Variants in FAM161B observed in about 807,000 individuals in gnomAD.
FAM161B encodes the protein FAM161 centrosomal protein B.
In FAM161B, 46 loss-of-function variants were observed where a neutral mutation model predicts 61.5. The observed-to-expected ratio is 0.75, with a 90% confidence interval of 0.59 to 0.96. The LOEUF is 0.96. Ranked by LOEUF, FAM161B falls within the 40% of genes least tolerant of loss-of-function variation. FAM161B has a pLI of 0.00. For synonymous variants in FAM161B, 284 were observed against 302.7 expected (o/e 0.94, Z 0.64); for missense variants, 774 against 800.7 (o/e 0.97, Z 0.40).
chr14:73,929,183 C>T (rs1338484158), downstream of FAM161B, among the ~76,000 whole-genome samples: 2 of 152,090 alleles, frequency 1.3e-5, no homozygotes, highest in Non-Finnish European at 2.9e-5. Flanking sequence ...CATTATTCTC[C>T]TCCTCGTATC....
At chr14:73,949,940 C>G in intron 1 of FAM161B, 33 bp downstream of exon 1, 1 of 1,611,530 alleles carries the variant, frequency 6.2e-7, no homozygotes. Flanking sequence ...TCCGGGATTC[C>G]TTTCCCGGGG....
Position 73,942,395 on chromosome 14 carries a change from C to T in FAM161B, c.1246G>A (p.Asp416Asn). 6.2e-7 allele frequency: 1 copy of T among 1,614,104 alleles called. No homozygotes were observed. ...ANLRHPQRPC[D>N]AATTGRRQDS... ...TGCCTCCTTCCGGTGGTGGCAGCATCACAGGGCCGCTGAGGGTGGCGCAGG... is the reference window on the plus strand; with the variant it reads ...TGCCTCCTTCCGGTGGTGGCAGCATTACAGGGCCGCTGAGGGTGGCGCAGG... Residue 416 changes from aspartate (D) to asparagine (N), a missense_variant, in exon 4 of 9, where the codon GAT becomes AAT. Coordinates refer to ENST00000286544, the MANE Select transcript of FAM161B (RefSeq NM_152445.3).
In FAM161B at chr14:73,938,129, GAA is replaced by G; in HGVS notation, c.1401-19_1401-18del. On this transcript the variant is annotated intron_variant, in intron 5 of 8. Transcript: ENST00000286544. Reference sequence around the variant, plus strand: ...AGTGCACTTCTAAAGGAAGGAGGCAGAAAAAGAGTATAGATTACCAACCTGGG... The same window carrying G: ...AGTGCACTTCTAAAGGAAGGAGGCAGAAAGAGTATAGATTACCAACCTGGG... The G allele has an allele frequency of 6.2e-7, 1 of 1,612,366 alleles. No individual in the cohort carries two copies. The highest frequency in any genetic ancestry group is 1.3e-5 in the African/African-American group (1 of 74,826).
the FAM161B span, chr14:73,923,472 G>C: frequency 6.2e-7 from 1 of 1,614,002 alleles, no homozygotes; most frequent in South Asian, 1.1e-5. Flanking sequence ...CATGCAGTCA[G>C]GGAGGCAATC....
At chr14:73,927,631 C>A (rs753550535), downstream of FAM161B, among the ~76,000 whole-genome samples, 2 of 152,084 alleles carry the variant, frequency 1.3e-5, no homozygotes, top group Non-Finnish European at 2.9e-5. Flanking sequence ...AAATTTAATT[C>A]ATTCAGCGGC....
Position 73,937,059 on chromosome 14 carries a change from T to TCA in FAM161B, c.1665+541_1665+542dup, listed in dbSNP as rs890089870. Among the ~76,000 whole-genome samples, 25 of 147,316 alleles carry TCA rather than the reference T, an allele frequency of 1.7e-4. 1 individual carries two copies. Among genetic ancestry groups the TCA allele is most frequent in the Middle Eastern group, 3.6e-3 (1 of 274 alleles). On this transcript the variant is annotated intron_variant, in intron 7 of 8. Coordinates refer to ENST00000286544, the MANE Select transcript of FAM161B (RefSeq NM_152445.3). ...GCCCTGCTCCATAAGGAACACACAC[T>TCA]CACACACACATACACATGCATACAA...
rs561295251 is a variant in FAM161B, at chr14:73,941,526, CA to C, written c.1273-474del. Among the ~76,000 whole-genome samples the C allele has an allele frequency of 1.3e-3, 204 of 152,258 alleles. 2 individuals carry two copies. The highest frequency in any genetic ancestry group is 2.5e-3 in the Admixed American group (38 of 15,284). ...AAGGATAAAGAGATCTCAAGTTTCACAACCAAGCCAAGACTTGGATATCAAT... is the reference window on the plus strand; with the variant it reads ...AAGGATAAAGAGATCTCAAGTTTCACACCAAGCCAAGACTTGGATATCAAT... On this transcript the variant is annotated intron_variant, in intron 4 of 8. Transcript: ENST00000286544.
At chr14:73,944,231 CAGCAAATCTCCA>C (rs891852781) in intron 3 of FAM161B, 92 bp downstream of exon 3, 3 of 1,503,236 alleles carry the variant, frequency 2.0e-6, no homozygotes, top group African/African-American at 2.8e-5. Context: ...TCCACCCAAG[CAGCAAATCTCCA>C]AGCCAGGCAG....
chr14:73,924,443 A>C, the FAM161B span, among the ~76,000 whole-genome samples: 1 of 152,158 alleles, frequency 6.6e-6, no homozygotes, highest in South Asian at 2.1e-4. Context: ...AAAGGGTTTG[A>C]GGTTGAGCTA....
rs532080677 is a variant in FAM161B, at chr14:73,937,287, TAGAA to T, written c.1665+311_1665+314del. ...CACTGTGAACAGTGGCTCCAGAGCA[TAGAA>T]AGAGCCAAATGGTCCCTGTGTCTCT... On this transcript the variant is annotated intron_variant, in intron 7 of 8. Coordinates refer to ENST00000286544, the MANE Select transcript of FAM161B (RefSeq NM_152445.3). Among the ~76,000 whole-genome samples, 317 of 152,104 alleles carry T rather than the reference TAGAA, an allele frequency of 2.1e-3. 1 individual carries two copies. The highest frequency in any genetic ancestry group is 0.017 in the Middle Eastern group (5 of 294).
At chr14:73,925,227 G>A in the FAM161B span, among the ~76,000 whole-genome samples, 1 of 152,046 alleles carries the variant, frequency 6.6e-6, no homozygotes, top group Admixed American at 6.6e-5. Flanking sequence ...ACTTTTTCTG[G>A]TAACTGCTTT....
the FAM161B span, among the ~76,000 whole-genome samples, chr14:73,923,923 A>AC: frequency 1.2e-3 from 185 of 152,290 alleles, no homozygotes; most frequent in South Asian, 6.4e-3. Flanking sequence ...AAATTTCTGT[A>AC]CCAGACAGGA....
At chr14:73,938,568 CGA>C (rs2055990991) in intron 5 of FAM161B, among the ~76,000 whole-genome samples, 1 of 151,914 alleles carries the variant, frequency 6.6e-6, no homozygotes, top group African/African-American at 2.4e-5. Flanking sequence ...GTCAGGAGAT[CGA>C]GACTATCCTG....
At chr14:73,926,306 C>G in the FAM161B span, among the ~76,000 whole-genome samples, 2 of 151,986 alleles carry the variant, frequency 1.3e-5, no homozygotes, top group African/African-American at 4.8e-5. Context: ...GGTTGGTTTG[C>G]TAGAGTCAGG....
At chr14:73,930,551 A>G (rs1174938528), downstream of FAM161B, among the ~76,000 whole-genome samples, 1 of 152,198 alleles carries the variant, frequency 6.6e-6, no homozygotes, top group East Asian at 1.9e-4. Context: ...TTATTTGATT[A>G]GATTTTAATA....
intron 7 of FAM161B, 113 bp from the exon 8 acceptor site, chr14:73,936,201 G>T: frequency 8.1e-7 from 1 of 1,236,062 alleles, no homozygotes; most frequent in Non-Finnish European, 1.1e-6. Flanking sequence ...CCTTATTGTG[G>T]GGCATAGATT....
rs990048176 is a variant in FAM161B, at chr14:73,944,354, G to A, written c.906C>T (p.Ala302=). Reference sequence around the variant, plus strand: ...CTTTACCCTGGAGTTTATCCCCAAGGGCTGGCTCCAGAATGGACTTGGGAA... The same window carrying A: ...CTTTACCCTGGAGTTTATCCCCAAGAGCTGGCTCCAGAATGGACTTGGGAA... ...RRIPKSILEP[A]LGDKLQEAEL... is the part of the protein sequence containing the mutation. Residue 302 remains alanine (A), a synonymous_variant, in exon 3 of 9, where the codon GCC becomes GCT. Coordinates refer to ENST00000286544, the MANE Select transcript of FAM161B (RefSeq NM_152445.3). 1.9e-6 allele frequency: 3 copies of A among 1,592,590 alleles called. No homozygotes were observed. The highest frequency in any genetic ancestry group is 1.3e-5 in the African/African-American group (1 of 74,332).
At chr14:73,944,028 G>C (rs187436004) in intron 3 of FAM161B, among the ~76,000 whole-genome samples, 3 of 152,314 alleles carry the variant, frequency 2.0e-5, no homozygotes, top group Non-Finnish European at 4.4e-5. Context: ...CTGGTCCTCA[G>C]GTGTCTCACT....
At chr14:73,931,777 T>C, downstream of FAM161B, 1 of 528,448 alleles carries the variant, frequency 1.9e-6, no homozygotes, top group Non-Finnish European at 3.5e-6. Flanking sequence ...AAACTGTACC[T>C]ACCTCTCTTC....
Sources: allele counts gnomAD v4.1 joint callset (sites outside exome capture counted in the v4.1 genomes callset), GRCh38; gene constraint gnomAD v4.1.1; transcripts MANE v1.5; gene names NCBI Gene and HGNC (gene_info 2026-07-23, HGNC 2026-07-21).